Variants in CCDC171 observed in about 807,000 individuals in gnomAD.
CCDC171 encodes the protein coiled-coil domain containing 171.
A neutral mutation model predicts 168.2 loss-of-function variants in CCDC171; 177 were observed. The observed-to-expected ratio is 1.05, with a 90% confidence interval of 0.93 to 1.19. The LOEUF (loss-of-function observed/expected upper bound fraction) is 1.19, where lower values mean the gene tolerates loss of function less well. CCDC171 is among the 50% of genes most tolerant of loss of function. The pLI is 0.00. For missense variants in CCDC171, 1,991 were observed against 1,539.0 expected (o/e 1.29, Z -4.91); for synonymous variants, 687 against 540.8 (o/e 1.27, Z -3.75).
chr9:15,859,196 T>G (rs1439659815), intron 23 of CCDC171, among the ~76,000 whole-genome samples: 1 of 152,106 alleles, frequency 6.6e-6, no homozygotes, highest in Non-Finnish European at 1.5e-5. Context: ...TCATAATTGA[T>G]TTTTGTATCT....
intron 24 of CCDC171, among the ~76,000 whole-genome samples, chr9:15,914,885 C>G (rs1334193710): frequency 1.3e-5 from 2 of 152,064 alleles, no homozygotes; most frequent in Non-Finnish European, 2.9e-5. Context: ...CATGGCTTCC[C>G]TTGGTTTGGA....
At chr9:15,849,055 T>C (rs1457880311) in intron 23 of CCDC171, 108 bp downstream of exon 23, 6 of 581,622 alleles carry the variant, frequency 1.0e-5, no homozygotes, top group Non-Finnish European at 1.7e-5. Flanking sequence ...AAAAAATAAA[T>C]TAACAAAAAG....
chr9:16,023,208 T>A lies in CCDC171; in HGVS notation n.998+300T>A, dbSNP rs558241448. 2.0e-5 allele frequency among the ~76,000 whole-genome samples: 3 copies of A among 152,300 alleles called. No individual in the cohort carries two copies. The South Asian group carries it at 6.2e-4, about 32-fold the overall frequency. On this transcript the variant is annotated intron_variant and non_coding_transcript_variant, in intron 6 of 9. Coordinates refer to the CCDC171 transcript ENST00000486641. Reference sequence around the variant, plus strand: ...CCTTCCCAGCAATTTGAACTGCTTATTAACATATTACAGTTCTAACAGGTC... The same window carrying A: ...CCTTCCCAGCAATTTGAACTGCTTAATAACATATTACAGTTCTAACAGGTC...
At chr9:16,050,257 C>T (rs1165483846) in intron 1 of CCDC171, among the ~76,000 whole-genome samples, 2 of 152,194 alleles carry the variant, frequency 1.3e-5, no homozygotes, top group African/African-American at 4.8e-5. Context: ...TATGAGGCTA[C>T]TTAATGGTAA....
chr9:15,897,723 A>G (rs1821097783), intron 24 of CCDC171, among the ~76,000 whole-genome samples: 1 of 152,184 alleles, frequency 6.6e-6, no homozygotes. Context: ...GAGAATATGG[A>G]TTCAATTGTT....
intron 24 of CCDC171, among the ~76,000 whole-genome samples, chr9:15,876,327 C>A (rs2131266123): frequency 6.6e-6 from 1 of 152,124 alleles, no homozygotes; most frequent in Admixed American, 6.6e-5. Flanking sequence ...AATAATAGTA[C>A]CTACAGTTTC....
chr9:15,983,817 A>AT (rs1554707550), intron 3 of CCDC171, among the ~76,000 whole-genome samples: 1 of 142,532 alleles, frequency 7.0e-6, no homozygotes, highest in African/African-American at 2.6e-5. Flanking sequence ...AAATAAAGAG[A>AT]GTGTGTGTGT....
chr9:15,692,263 C>A (rs2133708250), intron 10 of CCDC171, among the ~76,000 whole-genome samples: 1 of 151,978 alleles, frequency 6.6e-6, no homozygotes, highest in East Asian at 2.0e-4. Flanking sequence ...AGTCTCAGCT[C>A]TCAGGAGGCT....
At chr9:15,687,441 C>T (rs925760035) in intron 10 of CCDC171, among the ~76,000 whole-genome samples, 8 of 147,740 alleles carry the variant, frequency 5.4e-5, no homozygotes, top group Non-Finnish European at 1.1e-4. Context: ...AAAAAAAAAT[C>T]CTCAAATCAA....
intron 23 of CCDC171, among the ~76,000 whole-genome samples, chr9:15,858,425 T>G (rs931836871): frequency 6.6e-6 from 1 of 152,076 alleles, no homozygotes; most frequent in African/African-American, 2.4e-5. Context: ...GCATATGAAG[T>G]TTAGAATTGC....
intron 6 of CCDC171, among the ~76,000 whole-genome samples, chr9:15,595,387 G>C (rs575120606): frequency 2.6e-5 from 4 of 152,266 alleles, no homozygotes; most frequent in African/African-American, 9.6e-5. Context: ...CTATGAGTGA[G>C]AACATGTGGT....
At chr9:15,707,765 C>G (rs1238628044) in intron 11 of CCDC171, among the ~76,000 whole-genome samples, 7 of 152,186 alleles carry the variant, frequency 4.6e-5, no homozygotes, top group Non-Finnish European at 8.8e-5. Flanking sequence ...TCTTGTTATC[C>G]TTATTTCTCT....
intron 1 of CCDC171, among the ~76,000 whole-genome samples, chr9:16,045,191 A>G (rs1484258466): frequency 6.6e-6 from 1 of 152,170 alleles, no homozygotes; most frequent in South Asian, 2.1e-4. Flanking sequence ...CCCTGAGACA[A>G]TGATTTGAGT....
chr9:15,788,230 G>C (rs1022780195), intron 21 of CCDC171, among the ~76,000 whole-genome samples: 1 of 152,172 alleles, frequency 6.6e-6, no homozygotes, highest in African/African-American at 2.4e-5. Flanking sequence ...CTGTTGCTTG[G>C]GCAAATTACT....
Position 15,858,871 on chromosome 9 carries a change from A to G in CCDC171, c.3468+9924A>G, listed in dbSNP as rs536305600. On this transcript the variant is annotated intron_variant, in intron 23 of 25. Coordinates refer to ENST00000380701, the MANE Select transcript of CCDC171 (RefSeq NM_173550.4). Reference sequence around the variant, plus strand: ...TTCTTCCTTTTCTGTTTGGATGCCTATTACTTATTTTTCTTGCCAAATCAC... The same window carrying G: ...TTCTTCCTTTTCTGTTTGGATGCCTGTTACTTATTTTTCTTGCCAAATCAC... Among the ~76,000 whole-genome samples the G allele has an allele frequency of 4.7e-3, 710 of 152,110 alleles. 6 individuals are homozygous for G. The highest frequency in any genetic ancestry group is 5.4e-3 in the Non-Finnish European group (367 of 67,964).
At chr9:15,682,902 G>T (rs1049988149) in intron 10 of CCDC171, among the ~76,000 whole-genome samples, 2 of 152,026 alleles carry the variant, frequency 1.3e-5, no homozygotes, top group African/African-American at 4.8e-5. Context: ...TTAAGATGCT[G>T]ACTGATCATG....
chr9:16,041,080 A>G (rs200017454), upstream of CCDC171, among the ~76,000 whole-genome samples: 1 of 152,236 alleles, frequency 6.6e-6, no homozygotes, highest in Non-Finnish European at 1.5e-5. Flanking sequence ...ACATTAAAAT[A>G]TGACAAGGAA....
intron 23 of CCDC171, among the ~76,000 whole-genome samples, chr9:15,859,161 TC>T (rs1214016761): frequency 6.6e-6 from 1 of 152,132 alleles, no homozygotes; most frequent in Non-Finnish European, 1.5e-5. Context: ...GTGAATTTTG[TC>T]CTTCATTCTG....
intron 25 of CCDC171, among the ~76,000 whole-genome samples, chr9:15,962,317 C>A (rs370079751): frequency 6.6e-6 from 1 of 152,104 alleles, no homozygotes; most frequent in East Asian, 1.9e-4. Flanking sequence ...TTTTTCACCG[C>A]GTAGCTATAG....
Sources: allele counts gnomAD v4.1 joint callset (sites outside exome capture counted in the v4.1 genomes callset), GRCh38; gene constraint gnomAD v4.1.1; transcripts MANE v1.5; gene names NCBI Gene and HGNC (gene_info 2026-07-23, HGNC 2026-07-21).